The following ULK4 variants were observed in gnomAD, a reference collection of about 807,000 sequenced individuals.
The protein encoded by ULK4 is inactive serine/threonine-protein kinase ULK4.
ULK4 carries 133 observed loss-of-function variants against 160.6 expected under a neutral mutation model. The observed-to-expected ratio is 0.83, with a 90% CI of 0.72 to 0.96. The LOEUF (loss-of-function observed/expected upper bound fraction) is 0.96, where lower values mean the gene tolerates loss of function less well. ULK4 is among the 40% of genes least tolerant of loss of function. The pLI, the probability that ULK4 is intolerant of heterozygous loss-of-function variation, is 0.00. For synonymous variants in ULK4, 534 were observed against 539.8 expected, an observed-to-expected ratio of 0.99 and a Z score of 0.15; for missense variants, 1,580 against 1,499.5, an observed-to-expected ratio of 1.05 and a Z score of -0.89.
intron 2 of ULK4, among the ~76,000 whole-genome samples, chr3:41,953,386 T>A (rs1700368446): frequency 6.7e-6 from 1 of 149,602 alleles, no homozygotes; most frequent in South Asian, 2.1e-4. Context: ...TACTGCAACC[T>A]CTGCCTCCCC....
chr3:41,855,759 A>G (rs1306682176), intron 17 of ULK4, among the ~76,000 whole-genome samples: 1 of 152,164 alleles, frequency 6.6e-6, no homozygotes, highest in Non-Finnish European at 1.5e-5. Flanking sequence ...GTTTTATGCA[A>G]TTCTTTCCAT....
intron 35 of ULK4, among the ~76,000 whole-genome samples, chr3:41,275,775 C>T (rs1413328370): frequency 6.6e-6 from 1 of 152,166 alleles, no homozygotes; most frequent in East Asian, 1.9e-4. Context: ...TTCCAGAGTC[C>T]AAGGTGACAC....
At position 41,743,562 on chromosome 3, in the gene ULK4, T is replaced by C. The variant is rs185198715; in HGVS notation, c.2321+10799A>G. On this transcript the variant is annotated intron_variant, in intron 22 of 36. Coordinates refer to ENST00000301831, the MANE Select transcript of ULK4 (RefSeq NM_017886.4). ...GTTAGAGGTAGATGCAACAGTCTAA[T>C]TTACTTCTAATAAATTTCTTAAATC... 3.4e-4 allele frequency among the ~76,000 whole-genome samples: 52 copies of C among 152,134 alleles called. 3 individuals are homozygous for C. Among genetic ancestry groups the C allele is most frequent in the African/African-American group, 1.2e-3 (48 of 41,384 alleles).
intron 19 of ULK4, among the ~76,000 whole-genome samples, chr3:41,811,445 A>C (rs1446791110): frequency 6.6e-6 from 1 of 152,178 alleles, no homozygotes; most frequent in South Asian, 2.1e-4. Context: ...GGTGTGATTG[A>C]GCCATGGCAC....
chr3:41,495,286 T>C (rs2084945795), intron 32 of ULK4, among the ~76,000 whole-genome samples: 1 of 152,032 alleles, frequency 6.6e-6, no homozygotes. Context: ...TATCTACAAC[T>C]GTATGATCTC....
At chr3:41,643,549 A>G (rs1004127862) in intron 30 of ULK4, among the ~76,000 whole-genome samples, 4 of 152,142 alleles carry the variant, frequency 2.6e-5, no homozygotes, top group African/African-American at 9.7e-5. Flanking sequence ...CCATTGATCT[A>G]TATCTCTGTT....
chr3:41,323,882 C>T (rs1417230281), intron 35 of ULK4, among the ~76,000 whole-genome samples: 1 of 152,182 alleles, frequency 6.6e-6, no homozygotes, highest in African/African-American at 2.4e-5. Context: ...AAATGTTTCC[C>T]CTTTTTTGTG....
chr3:41,490,389 C>A (rs530392771), intron 32 of ULK4, among the ~76,000 whole-genome samples: 1 of 152,336 alleles, frequency 6.6e-6, no homozygotes, highest in East Asian at 1.9e-4. Context: ...TCATAGCTGA[C>A]TGTGGTCTCA....
intron 32 of ULK4, among the ~76,000 whole-genome samples, chr3:41,531,683 A>G (rs1310390818): frequency 6.6e-6 from 1 of 152,178 alleles, no homozygotes; most frequent in Non-Finnish European, 1.5e-5. Context: ...TATTCCTCCT[A>G]TAGGTAAACC....
intron 32 of ULK4, among the ~76,000 whole-genome samples, chr3:41,541,748 C>T (rs2086703689): frequency 6.6e-6 from 1 of 152,116 alleles, no homozygotes; most frequent in Admixed American, 6.5e-5. Context: ...CTTCACATCC[C>T]TTGCAAGCTG....
intron 2 of ULK4, among the ~76,000 whole-genome samples, chr3:41,953,697 G>A (rs1450618078): frequency 6.6e-6 from 1 of 151,980 alleles, no homozygotes; most frequent in African/African-American, 2.4e-5. Context: ...AGAGGTTGGG[G>A]GAACCTGCTT....
chr3:41,792,069 G>C (rs1416495631), intron 20 of ULK4, among the ~76,000 whole-genome samples: 3 of 152,126 alleles, frequency 2.0e-5, no homozygotes, highest in Non-Finnish European at 4.4e-5. Context: ...GGGTAAATCA[G>C]ATACCATGGT....
rs763975817 is a variant in ULK4, at chr3:41,954,655, A to G, written c.105T>C (p.Thr35=). The G allele has an allele frequency of 2.5e-6, 4 of 1,613,936 alleles. No individual in the cohort carries two copies. In the Admixed American group the frequency reaches 6.7e-5, roughly 27 times the overall value. Residue 35 remains threonine (T), a synonymous_variant, in exon 2 of 37, where the codon ACT becomes ACC. Transcript: ENST00000301831. ...TTATTTCAGGCCTTTTGCACTTATC[A>G]GTACAAAGAATGGCTACAAAATTGA... ...GTINFVAILC[T]DKCKRPEITN... is the part of the protein sequence containing the mutation.
chr3:41,423,716 T>C (rs2082711828), intron 34 of ULK4, among the ~76,000 whole-genome samples: 1 of 151,964 alleles, frequency 6.6e-6, no homozygotes, highest in Admixed American at 6.6e-5. Flanking sequence ...GCGGTTGTCT[T>C]GACCCATGGG....
At chr3:41,637,013 A>G (rs2033983863) in intron 30 of ULK4, among the ~76,000 whole-genome samples, 1 of 152,220 alleles carries the variant, frequency 6.6e-6, no homozygotes, top group African/African-American at 2.4e-5. Flanking sequence ...GGAAATATGT[A>G]TACATCATGG....
chr3:41,323,298 T>C (rs1364287511), intron 35 of ULK4, among the ~76,000 whole-genome samples: 1 of 151,582 alleles, frequency 6.6e-6, no homozygotes, highest in Non-Finnish European at 1.5e-5. Flanking sequence ...TTCAAGGACA[T>C]ATATTAAATT....
intron 21 of ULK4, among the ~76,000 whole-genome samples, chr3:41,773,346 T>TTAAGCTGA (rs2039477894): frequency 6.6e-6 from 1 of 152,160 alleles, no homozygotes; most frequent in African/African-American, 2.4e-5. Flanking sequence ...CAAAATATCC[T>TTAAGCTGA]TAAGCTGATA....
At chr3:41,900,599 T>C in intron 13 of ULK4, 126 bp downstream of exon 13, 1 of 778,006 alleles carries the variant, frequency 1.3e-6, no homozygotes, top group Non-Finnish European at 2.0e-6. Flanking sequence ...GCAGCACAAA[T>C]GACACAGAAG....
At chr3:41,935,224 T>TA (rs1699733356) in intron 4 of ULK4, among the ~76,000 whole-genome samples, 2 of 10,604 alleles carry the variant, frequency 1.9e-4, no homozygotes, top group African/African-American at 2.9e-4. Flanking sequence ...TTTTTTTTTT[T>TA]TTTTTTTTTT....
Sources: gnomAD v4.1 joint callset for allele counts (sites outside exome capture counted in the v4.1 genomes callset) on GRCh38, gnomAD v4.1.1 for gene constraint, MANE v1.5 for transcripts, NCBI Gene and HGNC (gene_info 2026-07-23, HGNC 2026-07-21) for gene names.